Variants in PIN1 observed in about 807,000 individuals in gnomAD.
PIN1 encodes the protein peptidylprolyl cis/trans isomerase, NIMA-interacting 1.
A neutral mutation model predicts 19.9 loss-of-function variants in PIN1; 8 were observed. The ratio of observed to expected loss-of-function variants is 0.40; its 90% confidence interval spans 0.24 to 0.72. The LOEUF (loss-of-function observed/expected upper bound fraction) is 0.72, where lower values mean the gene tolerates loss of function less well. PIN1 is among the 30% of genes least tolerant of loss of function. PIN1 has a pLI of 0.37. For synonymous variants in PIN1, 86 were observed against 90.8 expected, an observed-to-expected ratio of 0.95 and a Z score of 0.30; for missense variants, 185 against 226.5, an observed-to-expected ratio of 0.82 and a Z score of 1.18.
At chr19:9,835,492 C>CT (rs1231443943) in intron 1 of PIN1, 90 bp downstream of exon 1, 1 of 907,956 alleles carries the variant, frequency 1.1e-6, no homozygotes, top group African/African-American at 1.8e-5. Context: ...GCAGCGCTGC[C>CT]TCCCTCCCAT....
Position 9,835,331 on chromosome 19 carries a change from CG to C in PIN1, c.-12del. 6.6e-7 allele frequency: 1 copy of C among 1,522,706 alleles called. No homozygotes were observed. The highest frequency in any genetic ancestry group is 8.8e-7 in the Non-Finnish European group (1 of 1,141,178). The allele number at this position is 1,522,706 out of a possible 1,614,324, so 94.3% of individuals were successfully genotyped here. A position where few individuals can be genotyped will look rare whatever the true frequency, so the allele number is the denominator to read the frequency against. ...CGCAGCTGAGGCGGAGCAGGCGCTG[CG>C]GCAGGAGGGAAGATGGCGGACGAGG... On this transcript the variant is annotated 5_prime_UTR_variant, in exon 1 of 4. Transcript: ENST00000247970.
Position 9,849,224 on chromosome 19 carries a change from C to T in PIN1, c.*25C>T, listed in dbSNP as rs759256615. ...AGGGTGGGGAGCCCAGGCCTGGCCT[C>T]GGGGCAGGGCAGGGCGGCTAGGCCG... On this transcript the variant is annotated 3_prime_UTR_variant, in exon 4 of 4. Transcript: ENST00000247970. 1.0e-5 allele frequency: 16 copies of T among 1,528,896 alleles called. No individual in the cohort carries two copies. Among genetic ancestry groups the T allele is most frequent in the Middle Eastern group, 1.7e-4 (1 of 5,944 alleles). The allele number at this position is 1,528,896 out of a possible 1,614,324, so 94.7% of individuals were successfully genotyped here. A position where few individuals can be genotyped will look rare whatever the true frequency, so the allele number is the denominator to read the frequency against.
At chr19:9,848,997 G>A (rs2046247877) in intron 3 of PIN1, 93 bp from the exon 4 acceptor site, 3 of 746,454 alleles carry the variant, frequency 4.0e-6, no homozygotes, top group Admixed American at 4.1e-5. Flanking sequence ...GCGCAGGCAG[G>A]AGCCCCATCT....
intron 2 of PIN1, among the ~76,000 whole-genome samples, chr19:9,844,688 T>G (rs1357852472): frequency 6.6e-6 from 1 of 152,124 alleles, no homozygotes; most frequent in Non-Finnish European, 1.5e-5. Flanking sequence ...TCACAGGTTT[T>G]GGCGCCGTCG....
chr19:9,838,348 C>T lies in PIN1; in HGVS notation c.59-88C>T. 1 of 1,053,134 alleles carries T rather than the reference C, an allele frequency of 9.5e-7. No individual in the cohort carries two copies. Among genetic ancestry groups the T allele is most frequent in the Non-Finnish European group, 1.4e-6 (1 of 693,758 alleles). 65.2% of individuals were successfully genotyped at this position (1,053,134 alleles called of 1,614,324 possible). A position where few individuals can be genotyped will look rare whatever the true frequency, so the allele number is the denominator to read the frequency against. On this transcript the variant is annotated intron_variant, in intron 1 of 3. Coordinates refer to ENST00000247970, the MANE Select transcript of PIN1 (RefSeq NM_006221.4). The surrounding 1 kb of genome is among the most constrained non-coding windows in gnomAD (Gnocchi z 5.8). ...TTGAATGAAGGCGCCCCCTGCAAGC[C>T]AGGCCCTCACCCTGGCTTCTGGCTG...
At chr19:9,839,503 CTG>C in intron 2 of PIN1, among the ~76,000 whole-genome samples, 1 of 151,872 alleles carries the variant, frequency 6.6e-6, no homozygotes, top group South Asian at 2.1e-4. Flanking sequence ...CTGCTCTGTT[CTG>C]TGTTTCCTCT....
rs1435302241 is a variant in PIN1 at position 9,835,512 on chromosome 19, GCTCTTCCGCGTCGTC to G, written c.58+112_58+126del. 2.0e-4 allele frequency: 151 copies of G among 747,886 alleles called. 3 individuals are homozygous for G. The South Asian group carries it at 3.6e-3, about 18-fold the overall frequency. 46.3% of individuals were successfully genotyped at this position (747,886 alleles called of 1,614,324 possible). ...GCTGCCTCCCTCCCATGGGGTCCTGGCTCTTCCGCGTCGTCCCCGGGGTAACGGCCCCGGCCCGCC... is the reference window on the plus strand; with the variant it reads ...GCTGCCTCCCTCCCATGGGGTCCTGGCCCGGGGTAACGGCCCCGGCCCGCC... On this transcript the variant is annotated intron_variant, in intron 1 of 3. Transcript: ENST00000247970.
At position 9,849,481 on chromosome 19, in the gene PIN1, G is replaced by A. The variant is rs779524466; in HGVS notation, c.*282G>A. On this transcript the variant is annotated 3_prime_UTR_variant, in exon 4 of 4. Coordinates refer to ENST00000247970, the MANE Select transcript of PIN1 (RefSeq NM_006221.4). ...CAGACCCAGGGCAGTGTGGTGGGAG[G>A]GGTGTTCCAAAGAGAAGGCCTGGTC... 4 of 700,932 alleles carry A rather than the reference G, an allele frequency of 5.7e-6. No homozygotes were observed. Among genetic ancestry groups the A allele is most frequent in the South Asian group, 2.7e-5 (2 of 73,196 alleles). The allele number at this position is 700,932 out of a possible 1,614,324, so 43.4% of individuals were successfully genotyped here.
At chr19:9,848,418 C>G in intron 3 of PIN1, 1 of 460,690 alleles carries the variant, frequency 2.2e-6, no homozygotes, top group Non-Finnish European at 4.0e-6. Context: ...CATCCCAGGC[C>G]CACCAAGGTG....
intron 2 of PIN1, among the ~76,000 whole-genome samples, chr19:9,844,038 A>T (rs1265053061): frequency 1.3e-5 from 2 of 152,140 alleles, no homozygotes; most frequent in Non-Finnish European, 2.9e-5. Flanking sequence ...TGACAGAGCC[A>T]GATTCTGCCT....
chr19:9,848,332 GC>G, intron 3 of PIN1, 192 bp downstream of exon 3: 1 of 601,642 alleles, frequency 1.7e-6, no homozygotes, highest in Non-Finnish European at 3.0e-6. Context: ...AGGGAGGGGG[GC>G]TGCAGCACTT....
At chr19:9,848,683 G>A in intron 3 of PIN1, 1 of 278,122 alleles carries the variant, frequency 3.6e-6, no homozygotes, top group Non-Finnish European at 7.0e-6. Context: ...GGGTTGCAGG[G>A]TGTGGTGTGC....
intron 1 of PIN1, chr19:9,836,919 G>A (rs1178900610): frequency 9.1e-7 from 1 of 1,102,284 alleles, no homozygotes; most frequent in East Asian, 5.8e-5. Flanking sequence ...GATAATAAAG[G>A]CTATCCCACT....
chr19:9,837,352 C>T (rs2046118806), intron 1 of PIN1: 2 of 159,654 alleles, frequency 1.3e-5, no homozygotes, highest in Non-Finnish European at 2.8e-5. Context: ...CGAGGTTTCA[C>T]CATGTTGGCC....
At chr19:9,840,111 G>A (rs186317306) in intron 2 of PIN1, among the ~76,000 whole-genome samples, 29 of 152,340 alleles carry the variant, frequency 1.9e-4, no homozygotes, top group Admixed American at 1.3e-3. Flanking sequence ...ATTCTTGGCC[G>A]GGCGCGGTGG....
chr19:9,842,926 C>T (rs1277539661), intron 2 of PIN1, among the ~76,000 whole-genome samples: 2 of 152,252 alleles, frequency 1.3e-5, no homozygotes, highest in South Asian at 2.1e-4. Flanking sequence ...TCCGCCCTTG[C>T]CCCGAAGGGA....
At chr19:9,841,241 G>C (rs764235652) in intron 2 of PIN1, among the ~76,000 whole-genome samples, 2 of 152,208 alleles carry the variant, frequency 1.3e-5, no homozygotes, top group Non-Finnish European at 2.9e-5. Context: ...GAGAGAAGCC[G>C]AGTTCTTGCA....
chr19:9,848,238 C>T (rs751185034), intron 3 of PIN1, 98 bp downstream of exon 3: 4 of 737,920 alleles, frequency 5.4e-6, no homozygotes, highest in East Asian at 2.7e-5. Context: ...GGTGCCACAC[C>T]GGCCTTCGGG....
rs1277173634 is a variant in PIN1 at position 9,835,556 on chromosome 19, T to C, written c.58+154T>C. On this transcript the variant is annotated intron_variant, in intron 1 of 3. Transcript: ENST00000247970. The stretch of plus-strand genomic sequence containing the variant: ...GGGGTAACGGCCCCGGCCCGCCCTG[T>C]TGTGGGGACTGCGAGCCTCAGGAGC... The C allele has an allele frequency of 5.1e-6, 3 of 593,622 alleles. No homozygotes were observed. In the African/African-American group the frequency reaches 5.9e-5, roughly 12 times the overall value. The allele number at this position is 593,622 out of a possible 1,614,324, so 36.8% of individuals were successfully genotyped here.
Sources: allele counts gnomAD v4.1 joint callset (sites outside exome capture counted in the v4.1 genomes callset), GRCh38; gene constraint gnomAD v4.1.1; non-coding constraint Gnocchi (gnomAD v3.1); transcripts MANE v1.5; gene names NCBI Gene and HGNC (gene_info 2026-07-23, HGNC 2026-07-21).